Variants in MYO19 observed in about 807,000 individuals in gnomAD.
MYO19 encodes myosin XIX.
In MYO19, 132 loss-of-function variants were observed where a neutral mutation model predicts 129.2. The ratio of observed to expected loss-of-function variants is 1.02; its 90% confidence interval spans 0.89 to 1.18. The LOEUF is 1.18. Among genes scored for constraint, MYO19 ranks in the 50% most tolerant of loss-of-function variants. The pLI is 0.00. For missense variants in MYO19, 1,210 were observed against 1,216.7 expected, an observed-to-expected ratio of 0.99 and a Z score of 0.08; for synonymous variants, 531 against 477.2, an observed-to-expected ratio of 1.11 and a Z score of -1.47.
rs191173337 is a variant in MYO19, at chr17:36,533,241, A to G, written c.-143-560T>C. On this transcript the variant is annotated intron_variant, in intron 2 of 25. Coordinates refer to ENST00000614623, the MANE Select transcript of MYO19 (RefSeq NM_001163735.2). ...AGGTCATGGTTTGACAGCACCACAC[A>G]AAGTACGAATCTGAGTATTCACTCA... 2.0e-5 allele frequency: 3 copies of G among 152,708 alleles called. No homozygotes were observed. In the East Asian group the frequency reaches 5.8e-4, roughly 29 times the overall value. 9.5% of individuals were successfully genotyped at this position (152,708 alleles called of 1,614,324 possible). A position where few individuals can be genotyped will look rare whatever the true frequency, so the allele number is the denominator to read the frequency against.
chr17:36,527,626 C>G lies in MYO19; in HGVS notation c.225G>C (p.Leu75Phe), dbSNP rs1389416104. 1.9e-6 allele frequency: 3 copies of G among 1,613,836 alleles called. No homozygotes were observed. In the African/African-American group the frequency reaches 4.0e-5, roughly 22 times the overall value. ...YTNAGCTLVA[L>F]NPFKPVPQLY... ...GCTGAGGAACAGGCTTGAAGGGGTT[C>G]AAGGCTACCAGGGTGCAGCCAGCAT... Residue 75 changes from leucine (L) to phenylalanine (F), a missense_variant, in exon 5 of 26, where the codon TTG becomes TTC. Coordinates refer to ENST00000614623, the MANE Select transcript of MYO19 (RefSeq NM_001163735.2).
chr17:36,527,690 C>A lies in MYO19; in HGVS notation c.161G>T (p.Cys54Phe), dbSNP rs763230463. 2.5e-6 allele frequency: 4 copies of A among 1,610,486 alleles called. No homozygotes were observed. The highest frequency in any genetic ancestry group is 3.4e-6 in the Non-Finnish European group (4 of 1,178,584). The change falls in exon 5 of 26, where the codon TGC becomes TTC. Residue 54 changes from cysteine (C) to phenylalanine (F), a missense_variant. Transcript: ENST00000614623. Reference sequence around the variant, plus strand: ...GTCTGCCATGTACCGGGCCTGCAGGCACCTCAGGACTGAGGCAGAGATGCC... The same window carrying A: ...GTCTGCCATGTACCGGGCCTGCAGGAACCTCAGGACTGAGGCAGAGATGCC... ...NPVTLETVLRCLQARYMADTF... is the reference protein window; with the variant it reads ...NPVTLETVLRFLQARYMADTF...
Position 36,510,835 on chromosome 17 carries a change from T to TGCCC in MYO19, c.1064_1067dup (p.Gln360ThrfsTer15). The TGCCC allele has an allele frequency of 6.3e-7, 1 of 1,582,532 alleles. No homozygotes were observed. Among genetic ancestry groups the TGCCC allele is most frequent in the Non-Finnish European group, 8.6e-7 (1 of 1,164,228 alleles). ...TCCGGAACACCTGCTGCTGTCTGCC[T>TGCCC]GCCCTGATGGTTCTAATCTGCACCA... is the stretch of plus-strand genomic sequence containing the variant. On this transcript the variant is annotated frameshift_variant, in exon 13 of 26. Coordinates refer to ENST00000614623, the MANE Select transcript of MYO19 (RefSeq NM_001163735.2). LOFTEE classifies it high-confidence loss of function.
intron 3 of MYO19, among the ~76,000 whole-genome samples, 159 bp from the exon 4 acceptor site, chr17:36,528,361 A>C (rs1318673900): frequency 3.9e-5 from 6 of 152,148 alleles, no homozygotes; most frequent in Non-Finnish European, 7.4e-5. Flanking sequence ...AATTCAAAAA[A>C]TTAGCCAGGC....
In MYO19 at chr17:36,509,049, G is replaced by C; in HGVS notation, c.1231+13C>G. ...TTTTCTGGAGTGCTCCCAGCACAGTGAGGCCTTGCTACCTATGAAAGTGGT... is the reference window on the plus strand; with the variant it reads ...TTTTCTGGAGTGCTCCCAGCACAGTCAGGCCTTGCTACCTATGAAAGTGGT... On this transcript the variant is annotated intron_variant, in intron 14 of 25. Transcript: ENST00000614623. 6.2e-7 allele frequency: 1 copy of C among 1,612,184 alleles called. No individual in the cohort carries two copies. Among genetic ancestry groups the C allele is most frequent in the East Asian group, 2.2e-5 (1 of 44,864 alleles).
At chr17:36,513,122 A>T (rs1200156365) in intron 11 of MYO19, 1 of 1,371,146 alleles carries the variant, frequency 7.3e-7, no homozygotes, top group African/African-American at 1.5e-5. Flanking sequence ...GTACTAGACA[A>T]GCAAGGCGGT....
chr17:36,516,282 T>C (rs2072743886), intron 6 of MYO19, among the ~76,000 whole-genome samples: 1 of 152,248 alleles, frequency 6.6e-6, no homozygotes, highest in Non-Finnish European at 1.5e-5. Context: ...CAATTGTTTA[T>C]AAACAATAAA....
chr17:36,520,622 C>A (rs566608539), intron 6 of MYO19, among the ~76,000 whole-genome samples: 14 of 152,164 alleles, frequency 9.2e-5, no homozygotes, highest in African/African-American at 3.1e-4. Context: ...TCCTCTTCTT[C>A]CTCAGCCTAC....
intron 2 of MYO19, among the ~76,000 whole-genome samples, chr17:36,541,657 C>T (rs540156865): frequency 8.5e-5 from 13 of 152,206 alleles, no homozygotes; most frequent in Non-Finnish European, 1.8e-4. Context: ...CTTTCCTGGC[C>T]TTTCAAATCC....
intron 14 of MYO19, 47 bp from the exon 15 acceptor site, chr17:36,507,971 G>A (rs2072038003): frequency 6.6e-7 from 1 of 1,526,146 alleles, no homozygotes; most frequent in Non-Finnish European, 8.8e-7. Flanking sequence ...GGGAGCAGAT[G>A]GGGAATAGGG....
At chr17:36,518,055 ACTC>A (rs2072873929) in intron 6 of MYO19, among the ~76,000 whole-genome samples, 1 of 150,992 alleles carries the variant, frequency 6.6e-6, no homozygotes, top group South Asian at 2.1e-4. Flanking sequence ...GCACCGTTGC[ACTC>A]CAGCCTGGGC....
intron 25 of MYO19, among the ~76,000 whole-genome samples, chr17:36,497,334 AC>A (rs1210131465): frequency 2.0e-5 from 3 of 150,136 alleles, no homozygotes; most frequent in Admixed American, 6.6e-5. Flanking sequence ...AAAAAAAAAA[AC>A]CCACAGAGAA....
intron 12 of MYO19, 142 bp downstream of exon 12, chr17:36,511,223 T>C (rs1567753110): frequency 9.3e-6 from 8 of 862,900 alleles, no homozygotes; most frequent in Non-Finnish European, 1.3e-5. Context: ...GAGGAGTAAA[T>C]GATCCAGGGC....
intron 5 of MYO19, 40 bp from the exon 6 acceptor site, chr17:36,525,381 C>T (rs1253469747): frequency 7.8e-6 from 11 of 1,416,848 alleles, no homozygotes; most frequent in South Asian, 3.5e-5. Context: ...GAGGGAATGC[C>T]TGTTTTTCAA....
intron 23 of MYO19, 117 bp downstream of exon 23, chr17:36,500,713 A>C: frequency 7.3e-6 from 10 of 1,378,172 alleles, no homozygotes; most frequent in Non-Finnish European, 9.7e-6. Context: ...CCACAGGGAC[A>C]TCTCTTCAGG....
At chr17:36,523,305 A>G (rs1211598026) in intron 6 of MYO19, among the ~76,000 whole-genome samples, 1 of 152,198 alleles carries the variant, frequency 6.6e-6, no homozygotes, top group Non-Finnish European at 1.5e-5. Context: ...CTTCCATGCA[A>G]CAGCTGTGTG....
chr17:36,496,670 T>C (rs928003177), intron 25 of MYO19, among the ~76,000 whole-genome samples: 1 of 152,202 alleles, frequency 6.6e-6, no homozygotes, highest in Non-Finnish European at 1.5e-5. Context: ...CCCTTCTGTT[T>C]AGCAGGCCTG....
At chr17:36,527,921 A>C in intron 4 of MYO19, 143 bp downstream of exon 4, 1 of 1,222,804 alleles carries the variant, frequency 8.2e-7, no homozygotes, top group Non-Finnish European at 1.1e-6. Context: ...ATGCTCCCTC[A>C]GGCGGAGGTC....
At chr17:36,534,946 G>A (rs959779567), upstream of MYO19, 3 of 152,320 alleles carry the variant, frequency 2.0e-5, no homozygotes, top group Non-Finnish European at 4.4e-5. Context: ...ACTGCTAAGT[G>A]GCCGGGGGTC....
Sources: gnomAD v4.1 joint callset for allele counts (sites outside exome capture counted in the v4.1 genomes callset) on GRCh38, gnomAD v4.1.1 for gene constraint, MANE v1.5 for transcripts, NCBI Gene and HGNC (gene_info 2026-07-23, HGNC 2026-07-21) for gene names.